ITPK1: variants seen among roughly 807,000 people sequenced by gnomAD.
ITPK1 encodes the protein inositol-tetrakisphosphate 1-kinase, also known as inositol 1,3,4-trisphosphate 5/6-kinase.
A neutral mutation model predicts 45.3 loss-of-function variants in ITPK1; 21 were observed. The ratio of observed to expected loss-of-function variants is 0.46; its 90% CI spans 0.33 to 0.67. ITPK1 has a LOEUF of 0.67. Among genes scored for constraint, ITPK1 ranks in the 30% least tolerant of loss-of-function variants. ITPK1 has a pLI of 0.02. For missense variants in ITPK1, 474 were observed against 573.5 expected, an observed-to-expected ratio of 0.83 and a Z score of 1.77; for synonymous variants, 258 against 253.6, an observed-to-expected ratio of 1.02 and a Z score of -0.16.
chr14:93,077,002 C>A (rs912345796), intron 2 of ITPK1, among the ~76,000 whole-genome samples: 4 of 152,180 alleles, frequency 2.6e-5, no homozygotes, highest in African/African-American at 9.7e-5. Context: ...CCCCATAGGT[C>A]CCCATGTCCT....
At position 92,959,857 on chromosome 14, in the gene ITPK1, C is replaced by T. The variant is rs541635189; in HGVS notation, c.505-1491G>A. Among the ~76,000 whole-genome samples, 6 of 152,304 alleles carry T rather than the reference C, an allele frequency of 3.9e-5. No homozygotes were observed. In the East Asian group the frequency reaches 7.7e-4, roughly 20 times the overall value. ...AATGGTCCTGGTTTTGGTTGAGTCT[C>T]GGGCTGGGAGATTCAGAGGCCGGGA... On this transcript the variant is annotated intron_variant, in intron 7 of 10. Coordinates refer to ENST00000267615, the MANE Select transcript of ITPK1 (RefSeq NM_014216.6).
intron 3 of ITPK1, among the ~76,000 whole-genome samples, chr14:93,050,784 C>A (rs563798616): frequency 6.6e-6 from 1 of 152,092 alleles, no homozygotes; most frequent in African/African-American, 2.4e-5. Context: ...CCTACCGAGA[C>A]CTCCAGTCGC....
At chr14:93,008,746 G>A (rs1887743981) in intron 4 of ITPK1, among the ~76,000 whole-genome samples, 1 of 152,284 alleles carries the variant, frequency 6.6e-6, no homozygotes, top group South Asian at 2.1e-4. Context: ...TGCACAGGCA[G>A]CACAGAAACA....
chr14:92,947,025 G>A (rs1887724340), intron 9 of ITPK1, among the ~76,000 whole-genome samples: 1 of 152,228 alleles, frequency 6.6e-6, no homozygotes, highest in Non-Finnish European at 1.5e-5. Flanking sequence ...CAAAGGTGCT[G>A]AGGCCAGCAG....
At chr14:92,943,705 G>A (rs1045942285) in intron 10 of ITPK1, among the ~76,000 whole-genome samples, 7 of 152,256 alleles carry the variant, frequency 4.6e-5, no homozygotes, top group Non-Finnish European at 1.0e-4. Context: ...GAGGCCTGAG[G>A]ATAAACAGGA....
intron 5 of ITPK1, among the ~76,000 whole-genome samples, chr14:92,972,585 T>G (rs1433865949): frequency 6.6e-6 from 1 of 152,060 alleles, no homozygotes; most frequent in African/African-American, 2.4e-5. Context: ...ACTCTTTTGT[T>G]TGTTTGTTTA....
chr14:93,039,370 T>C (rs1372838626), intron 3 of ITPK1, among the ~76,000 whole-genome samples: 2 of 152,188 alleles, frequency 1.3e-5, no homozygotes, highest in East Asian at 3.9e-4. Context: ...TTGCTAGGCA[T>C]GGTGACTCAC....
chr14:93,062,041 C>T (rs1461043530), intron 3 of ITPK1, among the ~76,000 whole-genome samples: 2 of 152,154 alleles, frequency 1.3e-5, no homozygotes, highest in Non-Finnish European at 2.9e-5. Context: ...GAAGCCGAGG[C>T]GGGCAGATCA....
chr14:93,043,014 C>CA (rs11370882), intron 3 of ITPK1, among the ~76,000 whole-genome samples: 52,128 of 148,896 alleles, frequency 0.35, 10,043 homozygotes, highest in Admixed American at 0.45. Context: ...GAGACTGTCT[C>CA]AAAAAAAAAA....
At chr14:93,104,144 G>A (rs1892431442) in intron 2 of ITPK1, among the ~76,000 whole-genome samples, 1 of 152,184 alleles carries the variant, frequency 6.6e-6, no homozygotes, top group Non-Finnish European at 1.5e-5. Flanking sequence ...TCTCCACCAT[G>A]CACTATCCTC....
At chr14:93,020,484 G>A (rs1040741925) in intron 3 of ITPK1, among the ~76,000 whole-genome samples, 21 of 152,294 alleles carry the variant, frequency 1.4e-4, no homozygotes, top group Admixed American at 3.3e-4. Flanking sequence ...GGATTGTTAT[G>A]AGTCCCAGAG....
chr14:92,994,014 C>T lies in ITPK1; in HGVS notation c.247-17G>A. On this transcript the variant is annotated splice_polypyrimidine_tract_variant and intron_variant, in intron 4 of 10. Transcript: ENST00000267615. ...GATGTACTCCTGAAAGGGAAGCATG[C>T]TGCTCTGGTTAGAGCAGGGGTAGGG... The T allele has an allele frequency of 6.4e-7, 1 of 1,562,416 alleles. No individual in the cohort carries two copies. The highest frequency in any genetic ancestry group is 8.8e-7 in the Non-Finnish European group (1 of 1,132,832).
intron 5 of ITPK1, among the ~76,000 whole-genome samples, chr14:92,982,239 C>T (rs1417032382): frequency 6.6e-6 from 1 of 152,210 alleles, no homozygotes; most frequent in African/African-American, 2.4e-5. Context: ...CCTGCATGAT[C>T]GCCAGAACTG....
At chr14:92,970,301 TCTCTATAAAATGGG>T (rs1885581980) in intron 5 of ITPK1, among the ~76,000 whole-genome samples, 1 of 152,170 alleles carries the variant, frequency 6.6e-6, no homozygotes, top group Non-Finnish European at 1.5e-5. Flanking sequence ...CTTGCTTTCC[TCTCTATAAAATGGG>T]AGTGTTGCTT....
At chr14:93,065,270 T>C (rs777384801) in intron 3 of ITPK1, among the ~76,000 whole-genome samples, 64 of 152,254 alleles carry the variant, frequency 4.2e-4, no homozygotes, top group South Asian at 1.0e-3. Flanking sequence ...TGAAAATAAA[T>C]CAAACAGAAG....
At chr14:92,952,691 C>T (rs1389794025) in intron 8 of ITPK1, among the ~76,000 whole-genome samples, 9 of 152,320 alleles carry the variant, frequency 5.9e-5, no homozygotes, top group African/African-American at 1.7e-4. Context: ...CCACAACACC[C>T]GGCCCGTACA....
At chr14:92,972,936 T>G (rs1885732751) in intron 5 of ITPK1, among the ~76,000 whole-genome samples, 1 of 152,192 alleles carries the variant, frequency 6.6e-6, no homozygotes, top group Non-Finnish European at 1.5e-5. Context: ...CAAACCCTTG[T>G]GCCAGGTGGA....
chr14:92,976,517 C>T (rs1378990369), intron 5 of ITPK1, among the ~76,000 whole-genome samples: 1 of 152,214 alleles, frequency 6.6e-6, no homozygotes, highest in Non-Finnish European at 1.5e-5. Context: ...GCACAAGAAA[C>T]ACCATTATCA....
rs1270694335 is a variant in ITPK1 at position 92,958,096 on chromosome 14, G to A, written c.670+105C>T. On this transcript the variant is annotated intron_variant, in intron 8 of 10. Coordinates refer to ENST00000267615, the MANE Select transcript of ITPK1 (RefSeq NM_014216.6). The surrounding 1 kb of genome is among the most constrained non-coding windows in gnomAD (Gnocchi z 4.4). ...TTAGAGCACCTCTCCATCCCACCAA[G>A]AACACAGGGTGGTTGGGGCAGTGCC... 9.1e-7 allele frequency: 1 copy of A among 1,095,374 alleles called. No individual in the cohort carries two copies. Among genetic ancestry groups the A allele is most frequent in the African/African-American group, 1.6e-5 (1 of 64,386 alleles). 67.9% of individuals were successfully genotyped at this position (1,095,374 alleles called of 1,614,324 possible).
Sources: gnomAD v4.1 joint callset for allele counts (sites outside exome capture counted in the v4.1 genomes callset) on GRCh38, gnomAD v4.1.1 for gene constraint, Gnocchi (gnomAD v3.1) non-coding constraint, MANE v1.5 for transcripts, NCBI Gene and HGNC (gene_info 2026-07-23, HGNC 2026-07-21) for gene names.